COL11A1: variants seen among roughly 807,000 people sequenced by gnomAD.
COL11A1 encodes collagen type XI alpha 1 chain.
Under a neutral mutation model 265.2 loss-of-function variants are expected in COL11A1, and 74 were observed. The ratio of observed to expected loss-of-function variants is 0.28; its 90% CI spans 0.23 to 0.34. COL11A1 has a LOEUF of 0.34. Ranked by LOEUF, COL11A1 falls within the 10% of genes least tolerant of loss-of-function variation. The probability of loss-of-function intolerance (pLI) is 1.00; values close to 1 mark genes in which losing one functional copy is unlikely to be tolerated. For missense variants in COL11A1, 2,165 were observed against 2,263.6 expected, an observed-to-expected ratio of 0.96 and a Z score of 0.88; for synonymous variants, 816 against 727.6, an observed-to-expected ratio of 1.12 and a Z score of -1.96.
In COL11A1 at chr1:103,100,591, AG is replaced by A. The variant is rs1674183203; in HGVS notation, c.106+7481del. On this transcript the variant is annotated intron_variant, in intron 1 of 66. Coordinates refer to ENST00000370096, the MANE Select transcript of COL11A1 (RefSeq NM_001854.4). Reference sequence around the variant, plus strand: ...AGAACCTCTTTTTATTTCTCCTTGAAGGCAGTCAAGTTATTCACCCAATGAC... The same window carrying A: ...AGAACCTCTTTTTATTTCTCCTTGAAGCAGTCAAGTTATTCACCCAATGAC... The A allele has an allele frequency of 3.9e-5, 6 of 152,124 alleles. No individual in the cohort carries two copies. The East Asian group carries it at 1.2e-3, about 29-fold the overall frequency. 9.4% of individuals were successfully genotyped at this position (152,124 alleles called of 1,614,324 possible). A position where few individuals can be genotyped will look rare whatever the true frequency, so the allele number is the denominator to read the frequency against.
At chr1:103,008,088 A>G (rs2101866895) in intron 15 of COL11A1, among the ~76,000 whole-genome samples, 1 of 152,230 alleles carries the variant, frequency 6.6e-6, no homozygotes, top group East Asian at 1.9e-4. Flanking sequence ...TTACTGCAAT[A>G]TGTTTTCAGC....
At chr1:102,910,111 T>G (rs1474663610) in intron 54 of COL11A1, among the ~76,000 whole-genome samples, 10 of 152,110 alleles carry the variant, frequency 6.6e-5, no homozygotes, top group Admixed American at 2.6e-4. Context: ...GGTCATATTA[T>G]TATACTAAAA....
chr1:103,031,097 C>G lies in COL11A1; in HGVS notation c.780+19G>C, dbSNP rs1378738316. The G allele has an allele frequency of 1.9e-6, 3 of 1,612,872 alleles. No individual in the cohort carries two copies. Among genetic ancestry groups the G allele is most frequent in the Admixed American group, 3.3e-5 (2 of 59,952 alleles). On this transcript the variant is annotated intron_variant, in intron 5 of 66. Transcript: ENST00000370096. Reference sequence around the variant, plus strand: ...TATCACTGAAATACGAAGACCTTCTCTGGTCTTGTGCTCCTCACCTCATCT... The same window carrying G: ...TATCACTGAAATACGAAGACCTTCTGTGGTCTTGTGCTCCTCACCTCATCT...
intron 3 of COL11A1, 80 bp from the exon 4 acceptor site, chr1:103,074,860 T>G: frequency 6.8e-7 from 1 of 1,470,984 alleles, no homozygotes; most frequent in Non-Finnish European, 9.4e-7. Context: ...AAATGCTGTG[T>G]ATTTTAAATT....
intron 1 of COL11A1, among the ~76,000 whole-genome samples, chr1:103,097,646 C>G (rs769087007): frequency 6.6e-6 from 1 of 151,944 alleles, no homozygotes; most frequent in Non-Finnish European, 1.5e-5. Flanking sequence ...CTTTGCCCAC[C>G]AACTACCTTT....
intron 3 of COL11A1, among the ~76,000 whole-genome samples, chr1:103,077,851 A>G (rs907736454): frequency 6.6e-6 from 1 of 152,108 alleles, no homozygotes; most frequent in Non-Finnish European, 1.5e-5. Flanking sequence ...CTTTCCAACT[A>G]TACGAACTTA....
In COL11A1 at chr1:102,984,798, T is replaced by C. The variant is rs544436728; in HGVS notation, c.2503-607A>G. On this transcript the variant is annotated intron_variant, in intron 30 of 66. Transcript: ENST00000370096. ...TAAATATAATATGTGTTGAGAGCTT[T>C]AGCTAATAATGATGGTTTTTGTGGA... Among the ~76,000 whole-genome samples the C allele has an allele frequency of 2.0e-5, 3 of 152,186 alleles. No homozygotes were observed. In the South Asian group the frequency reaches 6.2e-4, roughly 31 times the overall value.
At chr1:103,044,588 A>G (rs1358642543) in intron 4 of COL11A1, among the ~76,000 whole-genome samples, 1 of 152,150 alleles carries the variant, frequency 6.6e-6, no homozygotes, top group Non-Finnish European at 1.5e-5. Context: ...AACTACCAAT[A>G]TGGCTCTATT....
At chr1:102,924,053 CAAAA>C (rs577410207) in intron 46 of COL11A1, among the ~76,000 whole-genome samples, 5 of 106,796 alleles carry the variant, frequency 4.7e-5, no homozygotes, top group African/African-American at 1.2e-4. Flanking sequence ...ACTAAAAATA[CAAAA>C]AAAAAAAAAA....
intron 54 of COL11A1, among the ~76,000 whole-genome samples, chr1:102,908,814 A>G (rs1469736372): frequency 1.3e-5 from 2 of 152,086 alleles, no homozygotes; most frequent in Non-Finnish European, 2.9e-5. Context: ...AATCCACTTA[A>G]CCATAATTTT....
chr1:102,934,620 A>T, intron 45 of COL11A1, 64 bp from the exon 46 acceptor site: 1 of 1,282,472 alleles, frequency 7.8e-7, no homozygotes, highest in Non-Finnish European at 1.1e-6. Flanking sequence ...AGTCATTAAA[A>T]AATGTGGCCA....
intron 31 of COL11A1, among the ~76,000 whole-genome samples, chr1:102,982,082 G>A (rs1164146578): frequency 6.6e-6 from 1 of 151,668 alleles, no homozygotes; most frequent in Non-Finnish European, 1.5e-5. Context: ...TTTCATTTTA[G>A]AACAGAGAAA....
chr1:103,013,165 A>G (rs1355015437), intron 13 of COL11A1, among the ~76,000 whole-genome samples: 1 of 152,076 alleles, frequency 6.6e-6, no homozygotes, highest in Non-Finnish European at 1.5e-5. Flanking sequence ...CAACAGATGA[A>G]CACTTAGATT....
At chr1:103,082,682 T>C in intron 2 of COL11A1, 123 bp downstream of exon 2, 1 of 824,498 alleles carries the variant, frequency 1.2e-6, no homozygotes, top group Non-Finnish European at 1.9e-6. Flanking sequence ...ACCATATAAT[T>C]GCACATTATC....
intron 57 of COL11A1, among the ~76,000 whole-genome samples, chr1:102,891,070 TAA>T (rs1202515279): frequency 6.6e-6 from 1 of 152,090 alleles, no homozygotes; most frequent in Non-Finnish European, 1.5e-5. Context: ...CTATATATAC[TAA>T]ATTAAAACAT....
chr1:103,083,430 C>T (rs908667309), intron 1 of COL11A1, among the ~76,000 whole-genome samples: 14 of 12,580 alleles, frequency 1.1e-3, no homozygotes, highest in Admixed American at 3.4e-3. Flanking sequence ...GTAAATATTT[C>T]ATTTTCCAAC....
chr1:103,052,359 G>T (rs1232208540), intron 4 of COL11A1, among the ~76,000 whole-genome samples: 1 of 152,042 alleles, frequency 6.6e-6, no homozygotes, highest in East Asian at 1.9e-4. Context: ...AAAGACAAAT[G>T]GGCTTTTACA....
intron 37 of COL11A1, among the ~76,000 whole-genome samples, chr1:102,969,950 T>C (rs796653473): frequency 3.9e-5 from 6 of 152,170 alleles, no homozygotes; most frequent in African/African-American, 1.4e-4. Context: ...AAAATAATGG[T>C]GTCTTCTCCA....
At chr1:102,906,837 G>C (rs537362372) in intron 54 of COL11A1, among the ~76,000 whole-genome samples, 2 of 152,030 alleles carry the variant, frequency 1.3e-5, no homozygotes, top group South Asian at 4.2e-4. Context: ...TTAATTGCTA[G>C]TGTTAAATCA....
Sources: allele counts gnomAD v4.1 joint callset (sites outside exome capture counted in the v4.1 genomes callset), GRCh38; gene constraint gnomAD v4.1.1; transcripts MANE v1.5; gene names NCBI Gene and HGNC (gene_info 2026-07-23, HGNC 2026-07-21).